The following RHD variants were observed in gnomAD, a reference collection of about 807,000 sequenced individuals.
RHD encodes the protein blood group Rh(D) polypeptide.
A neutral mutation model predicts 45.5 loss-of-function variants in RHD; 16 were observed. The observed-to-expected ratio is 0.35, with a 90% CI of 0.24 to 0.53. The LOEUF is 0.53. Ranked by LOEUF, RHD falls within the 20% of genes least tolerant of loss-of-function variation. The probability of loss-of-function intolerance (pLI) is 0.92; values close to 1 mark genes in which losing one functional copy is unlikely to be tolerated. For synonymous variants in RHD, 131 were observed against 217.5 expected (o/e 0.60, Z 3.50); for missense variants, 306 against 532.0 (o/e 0.58, Z 4.18).
rs1490722991 is a variant in RHD at position 25,315,708 on chromosome 1, G to A, written c.1074-1292G>A. Among the ~76,000 whole-genome samples, 4 of 129,202 alleles carry A rather than the reference G, an allele frequency of 3.1e-5. No homozygotes were observed. The East Asian group carries it at 7.8e-4, about 25-fold the overall frequency. The allele number at this position is 129,202 out of a possible 152,430, so 84.8% of individuals were successfully genotyped here. ...AGAAGGGGTTTCACTGTGTTAGCCA[G>A]GATGGTCTCCATCTCCTGACCTCAT... On this transcript the variant is annotated intron_variant, in intron 7 of 9. Coordinates refer to ENST00000328664, the MANE Select transcript of RHD (RefSeq NM_016124.6).
intron 1 of RHD, among the ~76,000 whole-genome samples, chr1:25,278,095 G>A (rs1252025615): frequency 7.7e-6 from 1 of 130,214 alleles, no homozygotes; most frequent in Non-Finnish European, 1.8e-5. Flanking sequence ...TTGCTGTAAT[G>A]ACTACTGGTC....
At chr1:25,278,381 T>C (rs1177545014) in intron 1 of RHD, among the ~76,000 whole-genome samples, 1 of 130,544 alleles carries the variant, frequency 7.7e-6, no homozygotes, top group East Asian at 2.0e-4. Flanking sequence ...AATTACCTAT[T>C]GCTGCATAAC....
intron 5 of RHD, among the ~76,000 whole-genome samples, chr1:25,302,928 G>GAGGCCAGGAGTTCAAGACC (rs1461980368): frequency 7.6e-6 from 1 of 130,734 alleles, no homozygotes; most frequent in East Asian, 2.0e-4. Context: ...AGGATTGGTT[G>GAGGCCAGGAGTTCAAGACC]AGGCCAGGAG....
At position 25,301,606 on chromosome 1, in the gene RHD, A is replaced by C. The variant is rs1553143921; in HGVS notation, c.721A>C (p.Thr241Pro). 7.2e-7 allele frequency: 1 copy of C among 1,379,804 alleles called. No homozygotes were observed. The highest frequency in any genetic ancestry group is 1.0e-6 in the Non-Finnish European group (1 of 979,058). The allele number at this position is 1,379,804 out of a possible 1,614,324, so 85.5% of individuals were successfully genotyped here. ...CGAAAGGAAGAATGCCGTGTTCAAC[A>C]CCTACTATGCTGTAGCAGTCAGCGT... ...PIERKNAVFNTYYAVAVSVVT... is the reference protein window; with the variant it reads ...PIERKNAVFNPYYAVAVSVVT... The change falls in exon 5 of 10, where the codon ACC becomes CCC. Residue 241 changes from threonine (T) to proline (P), a missense_variant. By Grantham distance (38) the Thr-to-Pro change is conservative. Transcript: ENST00000328664.
chr1:25,297,974 C>T lies in RHD; in HGVS notation c.487-2972C>T, dbSNP rs615418. On this transcript the variant is annotated intron_variant, in intron 3 of 9. Transcript: ENST00000328664. Reference sequence around the variant, plus strand: ...TCCATCTTTTGGCTCTTATTCTCTCCGTACATCTAACATCTCTGTACACCA... The same window carrying T: ...TCCATCTTTTGGCTCTTATTCTCTCTGTACATCTAACATCTCTGTACACCA... Among the ~76,000 whole-genome samples the T allele has an allele frequency of 3.9e-4, 51 of 130,596 alleles. 6 individuals are homozygous for T. The highest frequency in any genetic ancestry group is 1.2e-3 in the African/African-American group (47 of 37,988). 85.7% of individuals were successfully genotyped at this position (130,596 alleles called of 152,430 possible). A position where few individuals can be genotyped will look rare whatever the true frequency, so the allele number is the denominator to read the frequency against.
rs1287058736 is a variant in RHD, at chr1:25,273,841, A to T, written c.148+1146A>T. 1.5e-5 allele frequency among the ~76,000 whole-genome samples: 2 copies of T among 129,738 alleles called. 1 individual carries two copies. Among genetic ancestry groups the T allele is most frequent in the Non-Finnish European group, 3.6e-5 (2 of 54,870 alleles). The allele number at this position is 129,738 out of a possible 152,430, so 85.1% of individuals were successfully genotyped here. ...TGAGTCCTTGCTTGTTCCTAGGTTGATATGAACGGCTAGTTAACTGGAAGC... is the reference window on the plus strand; with the variant it reads ...TGAGTCCTTGCTTGTTCCTAGGTTGTTATGAACGGCTAGTTAACTGGAAGC... On this transcript the variant is annotated intron_variant, in intron 1 of 9. Transcript: ENST00000328664.
At position 25,312,299 on chromosome 1, in the gene RHD, T is replaced by G. The variant is rs997713190; in HGVS notation, c.1074-4701T>G. On this transcript the variant is annotated intron_variant, in intron 7 of 9. Coordinates refer to ENST00000328664, the MANE Select transcript of RHD (RefSeq NM_016124.6). ...CTGTCCTATGCCTGTTCCACTGTTG[T>G]ATTTTGGAAGTCAATAACTTGTTTT... 9.9e-5 allele frequency among the ~76,000 whole-genome samples: 10 copies of G among 101,170 alleles called. 2 individuals are homozygous for G. The highest frequency in any genetic ancestry group is 1.4e-4 in the Non-Finnish European group (6 of 42,004). 66.4% of individuals were successfully genotyped at this position (101,170 alleles called of 152,430 possible).
At chr1:25,299,931 G>A (rs1163697380) in intron 3 of RHD, among the ~76,000 whole-genome samples, 1 of 130,454 alleles carries the variant, frequency 7.7e-6, no homozygotes, top group African/African-American at 2.6e-5. Flanking sequence ...TGTATTTTTA[G>A]TAGAGACAGG....
chr1:25,300,088 G>A (rs1301172999), intron 3 of RHD, among the ~76,000 whole-genome samples: 2 of 131,074 alleles, frequency 1.5e-5, no homozygotes, highest in Non-Finnish European at 3.6e-5. Flanking sequence ...TAAGAAGTCT[G>A]GTTGCTTCAT....
chr1:25,313,926 T>C (rs1216070594), intron 7 of RHD, among the ~76,000 whole-genome samples: 1 of 133,172 alleles, frequency 7.5e-6, no homozygotes, highest in Admixed American at 7.3e-5. Flanking sequence ...TAAGAAAAGA[T>C]AGTTGGAACA....
intron 2 of RHD, among the ~76,000 whole-genome samples, chr1:25,285,876 C>T (rs1380000650): frequency 7.5e-6 from 1 of 133,688 alleles, no homozygotes; most frequent in Non-Finnish European, 1.8e-5. Context: ...TTCCAGCCTC[C>T]CCTTCTAAGA....
In RHD at chr1:25,302,608, G is replaced by C. The variant is rs1321521735; in HGVS notation, c.802-714G>C. On this transcript the variant is annotated intron_variant, in intron 5 of 9. Coordinates refer to ENST00000328664, the MANE Select transcript of RHD (RefSeq NM_016124.6). ...AGAGCAAGGCAAGGCTCCGGTTCTG[G>C]AGCAGTGAAGGACATAGCAGAGCTA... 3.1e-5 allele frequency among the ~76,000 whole-genome samples: 4 copies of C among 129,804 alleles called. 2 individuals carry two copies. The highest frequency in any genetic ancestry group is 7.3e-5 in the Non-Finnish European group (4 of 55,106). The allele number at this position is 129,804 out of a possible 152,430, so 85.2% of individuals were successfully genotyped here.
chr1:25,285,690 G>C (rs1482199403), intron 2 of RHD, among the ~76,000 whole-genome samples: 2 of 135,304 alleles, frequency 1.5e-5, no homozygotes, highest in East Asian at 3.9e-4. Context: ...GTTCACCTGG[G>C]TGATGATTAC....
chr1:25,296,672 G>T (rs1642986693), intron 3 of RHD, among the ~76,000 whole-genome samples: 1 of 130,626 alleles, frequency 7.7e-6, no homozygotes, highest in African/African-American at 2.6e-5. Context: ...TTTCCCCCAT[G>T]CTGTTCTTGT....
chr1:25,318,980 T>G (rs767929664), intron 8 of RHD, among the ~76,000 whole-genome samples: 3 of 133,196 alleles, frequency 2.3e-5, no homozygotes, highest in African/African-American at 5.1e-5. Flanking sequence ...GTAGCGTTAA[T>G]TCCGTAAGTT....
chr1:25,282,337 C>T (rs1641558761), intron 1 of RHD, among the ~76,000 whole-genome samples: 1 of 131,128 alleles, frequency 7.6e-6, no homozygotes, highest in Non-Finnish European at 1.8e-5. Flanking sequence ...CGGGTTCAAG[C>T]GATTCTCCTG....
chr1:25,274,242 G>C (rs1374476531), intron 1 of RHD, among the ~76,000 whole-genome samples: 1 of 132,084 alleles, frequency 7.6e-6, no homozygotes, highest in East Asian at 1.9e-4. Context: ...TATGGATGTT[G>C]AGTAATTTGC....
Position 25,329,368 on chromosome 1 carries a change from C to CA in RHD, c.*447dup. 1 of 326,548 alleles carries CA rather than the reference C, an allele frequency of 3.1e-6. No individual in the cohort carries two copies. The highest frequency in any genetic ancestry group is 6.2e-6 in the Non-Finnish European group (1 of 162,406). 20.2% of individuals were successfully genotyped at this position (326,548 alleles called of 1,614,324 possible). ...CAAGCAAATCTCCTGCCTCAGCCTC[C>CA]AAAGTAGCTGGGATTACAGGCACCC... On this transcript the variant is annotated 3_prime_UTR_variant, in exon 10 of 10. Coordinates refer to ENST00000328664, the MANE Select transcript of RHD (RefSeq NM_016124.6).
Position 25,290,676 on chromosome 1 carries a change from T to C in RHD, c.371T>C (p.Leu124Pro), listed in dbSNP as rs1196290143. ...RLATMSALSV[L>P]ISVDAVLGKV... ...GCCACCATGAGTGCTTTGTCGGTGC[T>C]GATCTCAGTGGATGCTGTCTTGGGG... Residue 124 changes from leucine (L) to proline (P), a missense_variant, in exon 3 of 10, where the codon CTG (leucine) becomes CCG (proline). By Grantham distance (98) the Leu-to-Pro change is moderately conservative. Transcript: ENST00000328664. 1.5e-6 allele frequency: 2 copies of C among 1,378,534 alleles called. 1 individual carries two copies. 85.4% of individuals were successfully genotyped at this position (1,378,534 alleles called of 1,614,324 possible).
Sources: gnomAD v4.1 joint callset for allele counts (sites outside exome capture counted in the v4.1 genomes callset) on GRCh38, gnomAD v4.1.1 for gene constraint, MANE v1.5 for transcripts, NCBI Gene and HGNC (gene_info 2026-07-23, HGNC 2026-07-21) for gene names.